The following CDH13 variants were observed in gnomAD, a reference collection of about 807,000 sequenced individuals.
CDH13 encodes the protein cadherin 13, also known as cadherin-13.
A neutral mutation model predicts 63.8 loss-of-function variants in CDH13; 24 were observed. The observed-to-expected ratio is 0.38, with a 90% confidence interval of 0.27 to 0.53. CDH13 has a LOEUF of 0.53. Ranked by LOEUF, CDH13 falls within the 20% of genes least tolerant of loss-of-function variation. The probability of loss-of-function intolerance (pLI) is 0.85; values close to 1 mark genes in which losing one functional copy is unlikely to be tolerated. For synonymous variants in CDH13, 503 were observed against 355.3 expected (o/e 1.42, Z -4.67); for missense variants, 1,049 against 903.1 (o/e 1.16, Z -2.07).
Position 83,577,102 on chromosome 16 carries a change from G to A in CDH13, c.961-25352G>A, listed in dbSNP as rs533788547. The stretch of plus-strand genomic sequence containing the variant: ...AATTTATAGCTCCCTGGATACCTGG[G>A]GGTCAGGAATCAGTCTGTTGATTGG... On this transcript the variant is annotated intron_variant, in intron 7 of 13. Transcript: ENST00000567109. Among the ~76,000 whole-genome samples the A allele has an allele frequency of 1.8e-4, 27 of 152,294 alleles. 2 individuals are homozygous for A. In the South Asian group the frequency reaches 5.4e-3, roughly 30 times the overall value.
Position 83,600,897 on chromosome 16 carries a change from C to A in CDH13, c.961-1557C>A, listed in dbSNP as rs187727550. Among the ~76,000 whole-genome samples the A allele has an allele frequency of 2.6e-4, 40 of 152,184 alleles. 1 individual carries two copies. Among genetic ancestry groups the A allele is most frequent in the African/African-American group, 6.0e-4 (25 of 41,522 alleles). On this transcript the variant is annotated intron_variant, in intron 7 of 13. Coordinates refer to ENST00000567109, the MANE Select transcript of CDH13 (RefSeq NM_001257.5). The stretch of plus-strand genomic sequence containing the variant: ...TTCTGAGATTCCAGTATAATTAATT[C>A]TCTTAGGATATTGCCTTTGTTCTTG...
chr16:83,654,548 C>T (rs1912690215), intron 8 of CDH13, among the ~76,000 whole-genome samples: 1 of 152,046 alleles, frequency 6.6e-6, no homozygotes, highest in African/African-American at 2.4e-5. Context: ...GACGAAGAAT[C>T]CTGCAGATTG....
chr16:83,263,037 C>G (rs1414380771), intron 5 of CDH13, among the ~76,000 whole-genome samples: 7 of 152,094 alleles, frequency 4.6e-5, no homozygotes, highest in Non-Finnish European at 8.8e-5. Flanking sequence ...CTTGGCAAAC[C>G]GTCTGGTGTT....
At chr16:83,523,947 G>T (rs1056092514) in intron 7 of CDH13, among the ~76,000 whole-genome samples, 1 of 152,210 alleles carries the variant, frequency 6.6e-6, no homozygotes, top group African/African-American at 2.4e-5. Context: ...CCCAGATGGA[G>T]AGCGTCCTGG....
chr16:83,401,001 C>T (rs766898968), intron 6 of CDH13, among the ~76,000 whole-genome samples: 8 of 152,076 alleles, frequency 5.3e-5, no homozygotes, highest in African/African-American at 1.2e-4. Flanking sequence ...GCCAGGAGTT[C>T]GAGCCAGCCT....
chr16:83,197,813 C>G (rs1041098280), intron 4 of CDH13, among the ~76,000 whole-genome samples: 18 of 61,884 alleles, frequency 2.9e-4, no homozygotes, highest in Non-Finnish European at 5.4e-4. Context: ...CACACTCTGA[C>G]ACATTCACAC....
intron 1 of CDH13, among the ~76,000 whole-genome samples, chr16:82,765,747 T>G (rs940006324): frequency 6.6e-6 from 1 of 152,146 alleles, no homozygotes; most frequent in African/African-American, 2.4e-5. Flanking sequence ...ACTCTCTGAG[T>G]GTCATGTCTT....
intron 1 of CDH13, among the ~76,000 whole-genome samples, chr16:82,818,569 G>A (rs1193683426): frequency 6.6e-6 from 1 of 152,120 alleles, no homozygotes; most frequent in Non-Finnish European, 1.5e-5. Flanking sequence ...TTTAGAAAGG[G>A]GTGGGGAAGC....
At chr16:83,182,319 G>A (rs1164905569) in intron 4 of CDH13, among the ~76,000 whole-genome samples, 3 of 152,204 alleles carry the variant, frequency 2.0e-5, no homozygotes, top group South Asian at 4.1e-4. Flanking sequence ...GCCATAAACT[G>A]TGTATTGTTG....
chr16:83,404,117 G>A lies in CDH13; in HGVS notation c.781+59111G>A, dbSNP rs749309684. Among the ~76,000 whole-genome samples the A allele has an allele frequency of 2.2e-4, 34 of 152,302 alleles. No individual in the cohort carries two copies. In the Middle Eastern group the frequency reaches 0.01, roughly 46 times the overall value. On this transcript the variant is annotated intron_variant, in intron 6 of 13. Transcript: ENST00000567109. Reference sequence around the variant, plus strand: ...TACAAGGAGTCAGGCTCTTGGCTCAGAAAATTCTGAAGAAGTTTCTCGCCT... The same window carrying A: ...TACAAGGAGTCAGGCTCTTGGCTCAAAAAATTCTGAAGAAGTTTCTCGCCT...
intron 6 of CDH13, among the ~76,000 whole-genome samples, chr16:83,416,176 T>C (rs2071541605): frequency 1.3e-5 from 2 of 152,118 alleles, no homozygotes. Flanking sequence ...AAATACACAG[T>C]CATAAACTTA....
intron 2 of CDH13, among the ~76,000 whole-genome samples, chr16:82,986,525 G>T (rs1003093190): frequency 6.6e-6 from 1 of 152,158 alleles, no homozygotes; most frequent in Admixed American, 6.5e-5. Flanking sequence ...TATTTCTGGT[G>T]TACACACCCG....
intron 1 of CDH13, among the ~76,000 whole-genome samples, chr16:82,749,741 G>A (rs1239816403): frequency 6.6e-6 from 1 of 152,090 alleles, no homozygotes; most frequent in East Asian, 1.9e-4. Flanking sequence ...TGCCTTGACA[G>A]TCATTTTTTG....
At chr16:83,695,333 G>A (rs903611730) in intron 10 of CDH13, among the ~76,000 whole-genome samples, 2 of 152,198 alleles carry the variant, frequency 1.3e-5, no homozygotes, top group South Asian at 2.1e-4. Context: ...GCTGCTGTGC[G>A]CAAGCTCCTT....
intron 3 of CDH13, among the ~76,000 whole-genome samples, chr16:83,088,238 C>T (rs1307507153): frequency 3.3e-5 from 5 of 152,076 alleles, no homozygotes. Context: ...ATGTTATTTC[C>T]TTATGCTGAG....
chr16:83,477,570 C>A (rs928347361), intron 6 of CDH13, among the ~76,000 whole-genome samples: 3 of 152,102 alleles, frequency 2.0e-5, no homozygotes, highest in African/African-American at 7.2e-5. Flanking sequence ...AGGGTGAGAT[C>A]TCTCTGAGCC....
At chr16:82,991,153 C>T (rs1911607968) in intron 2 of CDH13, among the ~76,000 whole-genome samples, 1 of 152,286 alleles carries the variant, frequency 6.6e-6, no homozygotes, top group East Asian at 1.9e-4. Context: ...ACAGTGACAA[C>T]TTAGATGGCC....
chr16:83,738,928 G>T (rs998241856), intron 10 of CDH13, among the ~76,000 whole-genome samples: 3 of 152,120 alleles, frequency 2.0e-5, no homozygotes, highest in African/African-American at 7.2e-5. Context: ...GGGGGTTTAG[G>T]AGAAATAGGA....
chr16:83,214,329 C>G (rs947812580), intron 4 of CDH13, among the ~76,000 whole-genome samples: 5 of 151,976 alleles, frequency 3.3e-5, no homozygotes, highest in Admixed American at 1.3e-4. Context: ...CCTGTAATCC[C>G]AGCACTTTGG....
Sources: allele counts gnomAD v4.1 joint callset (sites outside exome capture counted in the v4.1 genomes callset), GRCh38; gene constraint gnomAD v4.1.1; transcripts MANE v1.5; gene names NCBI Gene and HGNC (gene_info 2026-07-23, HGNC 2026-07-21).